The following MGAT3 variants were observed in gnomAD, a reference collection of about 807,000 sequenced individuals.
The protein encoded by MGAT3 is beta-1,4-mannosyl-glycoprotein 4-beta-N-acetylglucosaminyltransferase, also known as GlcNAc-T III.
MGAT3 carries 9 observed loss-of-function variants against 29.8 expected under a neutral mutation model. The ratio of observed to expected loss-of-function variants is 0.30; its 90% CI spans 0.18 to 0.53. The LOEUF is 0.53. MGAT3 is among the 20% of genes least tolerant of loss of function. The pLI is 0.96. For synonymous variants in MGAT3, 397 were observed against 348.9 expected (o/e 1.14, Z -1.54); for missense variants, 557 against 769.5 (o/e 0.72, Z 3.27).
At chr22:39,480,840 G>T (rs565877957) in intron 1 of MGAT3, among the ~76,000 whole-genome samples, 2 of 152,240 alleles carry the variant, frequency 1.3e-5, no homozygotes, top group African/African-American at 4.8e-5. Context: ...GCCACCCAGT[G>T]TGCTGCCTTG....
rs1416743017 is a variant in MGAT3 at position 39,457,443 on chromosome 22, C to G, written c.-116C>G. The G allele has an allele frequency of 1.4e-5, 2 of 147,832 alleles. No individual in the cohort carries two copies. Among genetic ancestry groups the G allele is most frequent in the Non-Finnish European group, 3.0e-5 (2 of 66,120 alleles). The allele number at this position is 147,832 out of a possible 1,614,324, so 9.2% of individuals were successfully genotyped here. A position where few individuals can be genotyped will look rare whatever the true frequency, so the allele number is the denominator to read the frequency against. The stretch of plus-strand genomic sequence containing the variant: ...CGCCGCAGCCGCTGCCGCCGGAGCC[C>G]GGGATGGGGCGAGAGGCTGCGGCGG... On this transcript the variant is annotated 5_prime_UTR_variant, in exon 1 of 2. Transcript: ENST00000341184. The surrounding 1 kb of genome is among the most constrained non-coding windows in gnomAD (Gnocchi z 6.8).
intron 1 of MGAT3, among the ~76,000 whole-genome samples, chr22:39,460,425 A>G (rs1928465334): frequency 6.6e-6 from 1 of 152,162 alleles, no homozygotes; most frequent in Non-Finnish European, 1.5e-5. Context: ...GCCCGGTTCA[A>G]ATCCCGGCCC....
chr22:39,487,332 C>G lies in MGAT3; in HGVS notation c.-1-15C>G, dbSNP rs780834215. 6.2e-7 allele frequency: 1 copy of G among 1,604,806 alleles called. No individual in the cohort carries two copies. Among genetic ancestry groups the G allele is most frequent in the Non-Finnish European group, 8.5e-7 (1 of 1,176,182 alleles). On this transcript the variant is annotated splice_polypyrimidine_tract_variant and intron_variant, in intron 1 of 1. Coordinates refer to ENST00000341184, the MANE Select transcript of MGAT3 (RefSeq NM_002409.5). The surrounding 1 kb of genome is among the most constrained non-coding windows in gnomAD (Gnocchi z 5.7). ...GGCTGCCCTGATGAGTCTCCTGTCT[C>G]TCTCTCTCCCGCAGGATGAAGATGA... is the stretch of plus-strand genomic sequence containing the variant.
At chr22:39,459,178 A>G (rs1928431288) in intron 1 of MGAT3, among the ~76,000 whole-genome samples, 1 of 151,376 alleles carries the variant, frequency 6.6e-6, no homozygotes. Flanking sequence ...GGTTCAAGCA[A>G]TTGTCCCACC....
At chr22:39,464,338 G>A (rs1027145165) in intron 1 of MGAT3, among the ~76,000 whole-genome samples, 6 of 152,252 alleles carry the variant, frequency 3.9e-5, no homozygotes, top group Non-Finnish European at 8.8e-5. Flanking sequence ...CACAGGGAGA[G>A]CTGCAGGTGA....
In MGAT3 at chr22:39,458,979, C is replaced by T. The variant is rs73418403; in HGVS notation, c.-2+1422C>T. Among the ~76,000 whole-genome samples the T allele has an allele frequency of 2.9e-3, 439 of 152,306 alleles. 4 individuals carry two copies. The highest frequency in any genetic ancestry group is 9.3e-3 in the African/African-American group (387 of 41,558). On this transcript the variant is annotated intron_variant, in intron 1 of 1. Transcript: ENST00000341184. Reference sequence around the variant, plus strand: ...GACCTGGCTGGGGGGATGCCGCTGGCTCAGACCCATTCTAAGGGTCTGCCT... The same window carrying T: ...GACCTGGCTGGGGGGATGCCGCTGGTTCAGACCCATTCTAAGGGTCTGCCT...
intron 1 of MGAT3, among the ~76,000 whole-genome samples, chr22:39,464,987 C>T (rs989996188): frequency 6.6e-6 from 1 of 152,084 alleles, no homozygotes; most frequent in African/African-American, 2.4e-5. Flanking sequence ...GATCTCCTGA[C>T]CTCGTGATCT....
Position 39,481,660 on chromosome 22 carries a change from C to T in MGAT3, c.-1-5687C>T, listed in dbSNP as rs1254567586. On this transcript the variant is annotated intron_variant, in intron 1 of 1. Coordinates refer to ENST00000341184, the MANE Select transcript of MGAT3 (RefSeq NM_002409.5). ...CTTCACTGGTCACAGGTGGACTCCT[C>T]AGGGGCTCTGTCACTCTACTTGGGT... 2.6e-5 allele frequency among the ~76,000 whole-genome samples: 4 copies of T among 152,340 alleles called. No homozygotes were observed. In the East Asian group the frequency reaches 7.7e-4, roughly 29 times the overall value.
rs1189722160 is a variant in MGAT3, at chr22:39,487,580, C to T, written c.233C>T (p.Ser78Leu). The T allele has an allele frequency of 6.2e-7, 1 of 1,611,874 alleles. No homozygotes were observed. Among genetic ancestry groups the T allele is most frequent in the East Asian group, 2.2e-5 (1 of 44,866 alleles). Residue 78 changes from serine (S) to leucine (L), a missense_variant, in exon 2 of 2, where the codon TCG becomes TTG. Ser to Leu is a moderately radical substitution (Grantham distance 145, BLOSUM62 -2). Transcript: ENST00000341184. The surrounding 1 kb of genome is among the most constrained non-coding windows in gnomAD (Gnocchi z 5.7). ...CTGCGTACCCCACTCTACTCCCACT[C>T]GCCCCTGCTGCAGCCGCTGCCGCCC... The part of the protein sequence containing the change: ...DLLRTPLYSH[S>L]PLLQPLPPSK...
chr22:39,472,852 G>A (rs533897716), intron 1 of MGAT3: 1 of 152,366 alleles, frequency 6.6e-6, no homozygotes, highest in Non-Finnish European at 1.5e-5. Flanking sequence ...AGGCAGAGGG[G>A]ACTAGACACT....
At chr22:39,459,966 G>C (rs1928451730) in intron 1 of MGAT3, among the ~76,000 whole-genome samples, 2 of 152,374 alleles carry the variant, frequency 1.3e-5, no homozygotes, top group Admixed American at 1.3e-4. Context: ...GGACGTGAAC[G>C]GCAGAGAGCT....
chr22:39,487,767 C>T lies in MGAT3; in HGVS notation c.420C>T (p.Ala140=), dbSNP rs997442960. ...GGCCGGAGGAGAAGCCTGAGGGGGC[C>T]AACGGCTCCTCGGCCCGGCGGCCAC... is the stretch of plus-strand genomic sequence containing the variant. ...PGRPEEKPEG[A]NGSSARRPPR... is the part of the protein sequence containing the mutation. The change falls in exon 2 of 2, where the codon GCC becomes GCT. Residue 140 remains alanine (A), a synonymous_variant. Transcript: ENST00000341184. This position sits in a 1 kb window ranked among gnomAD's most constrained non-coding sequence, Gnocchi z 5.7. 2.0e-6 allele frequency: 3 copies of T among 1,507,852 alleles called. No individual in the cohort carries two copies. In the African/African-American group the frequency reaches 4.2e-5, roughly 21 times the overall value. 93.4% of individuals were successfully genotyped at this position (1,507,852 alleles called of 1,614,324 possible).
Position 39,465,660 on chromosome 22 carries a change from T to C in MGAT3, c.-2+8103T>C, listed in dbSNP as rs529128605. 3.3e-5 allele frequency among the ~76,000 whole-genome samples: 5 copies of C among 151,706 alleles called. No individual in the cohort carries two copies. In the East Asian group the frequency reaches 9.7e-4, roughly 29 times the overall value. ...GCCCATGGTTCCTGAGATATGAAAA[T>C]GAAATCATGCAAAAAAACTCCAGCA... is the stretch of plus-strand genomic sequence containing the variant. On this transcript the variant is annotated intron_variant, in intron 1 of 1. Transcript: ENST00000341184.
chr22:39,470,461 A>T lies in MGAT3; in HGVS notation c.-2+12904A>T, dbSNP rs1204109640. ...CAAGGTCAGCAGAAACGCAGGCATC[A>T]GATGGCCAGGGTCCATGGCACGCAG... On this transcript the variant is annotated intron_variant, in intron 1 of 1. Coordinates refer to ENST00000341184, the MANE Select transcript of MGAT3 (RefSeq NM_002409.5). 2.0e-5 allele frequency among the ~76,000 whole-genome samples: 3 copies of T among 152,350 alleles called. No individual in the cohort carries two copies. The East Asian group carries it at 5.8e-4, about 29-fold the overall frequency.
rs1929300637 is a variant in MGAT3 at position 39,487,257 on chromosome 22, C to G, written c.-1-90C>G. ...AGGTGCTGGCCACCACATTGTCCAG[C>G]AAGGTGGCAGCAGAGGCCTCCTAGG... On this transcript the variant is annotated intron_variant, in intron 1 of 1. Coordinates refer to ENST00000341184, the MANE Select transcript of MGAT3 (RefSeq NM_002409.5). This position sits in a 1 kb window ranked among gnomAD's most constrained non-coding sequence, Gnocchi z 5.7. 2.2e-6 allele frequency: 3 copies of G among 1,361,212 alleles called. No homozygotes were observed. The highest frequency in any genetic ancestry group is 2.0e-6 in the Non-Finnish European group (2 of 996,736). The allele number at this position is 1,361,212 out of a possible 1,614,324, so 84.3% of individuals were successfully genotyped here. A position where few individuals can be genotyped will look rare whatever the true frequency, so the allele number is the denominator to read the frequency against.
chr22:39,486,234 G>A (rs748604868), intron 1 of MGAT3: 8 of 392,544 alleles, frequency 2.0e-5, no homozygotes, highest in Non-Finnish European at 3.0e-5. Context: ...TGCAACTTCC[G>A]CCCCCTGGGT....
At chr22:39,460,338 G>A (rs539985192) in intron 1 of MGAT3, among the ~76,000 whole-genome samples, 5 of 152,170 alleles carry the variant, frequency 3.3e-5, no homozygotes, top group Non-Finnish European at 7.3e-5. Flanking sequence ...CCCTGGCACC[G>A]ATGCTCCACC....
At chr22:39,480,123 G>T (rs1929082588) in intron 1 of MGAT3, among the ~76,000 whole-genome samples, 1 of 152,234 alleles carries the variant, frequency 6.6e-6, no homozygotes. Context: ...GAGAGTTCGG[G>T]ATGGGCTCTG....
intron 1 of MGAT3, among the ~76,000 whole-genome samples, chr22:39,460,354 CT>C (rs1928462844): frequency 6.6e-6 from 1 of 152,152 alleles, no homozygotes; most frequent in Admixed American, 6.5e-5. Flanking sequence ...CCACCTAGCC[CT>C]GTGCTGGCTG....
Sources: allele counts gnomAD v4.1 joint callset (sites outside exome capture counted in the v4.1 genomes callset), GRCh38; gene constraint gnomAD v4.1.1; non-coding constraint Gnocchi (gnomAD v3.1); transcripts MANE v1.5; gene names NCBI Gene and HGNC (gene_info 2026-07-23, HGNC 2026-07-21).